Variants in UNC13C observed in about 807,000 individuals in gnomAD.
The protein encoded by UNC13C is protein unc-13 homolog C.
UNC13C carries 174 observed loss-of-function variants against 245.4 expected under a neutral mutation model. That is an observed-to-expected ratio of 0.71 (90% CI 0.63 to 0.80). The LOEUF (loss-of-function observed/expected upper bound fraction) is 0.80. Ranked by LOEUF, UNC13C falls within the 30% of genes least tolerant of loss-of-function variation. The probability of loss-of-function intolerance (pLI) is 0.00; values close to 1 mark genes in which losing one functional copy is unlikely to be tolerated. For missense variants in UNC13C, 2,829 were observed against 2,602.9 expected, an observed-to-expected ratio of 1.09 and a Z score of -1.89; for synonymous variants, 992 against 895.1, an observed-to-expected ratio of 1.11 and a Z score of -1.93.
chr15:54,165,673 C>T (rs1263886171), intron 4 of UNC13C, among the ~76,000 whole-genome samples: 1 of 152,054 alleles, frequency 6.6e-6, no homozygotes, highest in Non-Finnish European at 1.5e-5. Context: ...TAGGTTACTT[C>T]ATTTTTATTA....
chr15:54,257,326 C>T (rs775553334), intron 8 of UNC13C, among the ~76,000 whole-genome samples: 2 of 152,172 alleles, frequency 1.3e-5, no homozygotes, highest in Non-Finnish European at 2.9e-5. Context: ...GCTTTTGACT[C>T]TGTGATGACT....
At chr15:54,004,421 T>A (rs771202677) in intron 1 of UNC13C, among the ~76,000 whole-genome samples, 9 of 152,222 alleles carry the variant, frequency 5.9e-5, no homozygotes, top group Non-Finnish European at 8.8e-5. Context: ...TGATGGACAC[T>A]TAGGTTGCTT....
At chr15:54,493,180 G>A (rs1235160333) in intron 19 of UNC13C, among the ~76,000 whole-genome samples, 1 of 152,166 alleles carries the variant, frequency 6.6e-6, no homozygotes, top group Non-Finnish European at 1.5e-5. Flanking sequence ...AAAGAGCACA[G>A]GGATATTAGA....
intron 4 of UNC13C, among the ~76,000 whole-genome samples, chr15:54,196,975 T>C (rs1413444425): frequency 6.6e-6 from 1 of 152,110 alleles, no homozygotes; most frequent in African/African-American, 2.4e-5. Context: ...AGGAGCACCA[T>C]AAAGCACACC....
At chr15:54,470,591 T>C (rs1352709207) in intron 19 of UNC13C, among the ~76,000 whole-genome samples, 1 of 140,222 alleles carries the variant, frequency 7.1e-6, no homozygotes, top group African/African-American at 2.7e-5. Context: ...CTGTAATATC[T>C]CTTTTTTCAT....
intron 4 of UNC13C, among the ~76,000 whole-genome samples, chr15:54,196,550 T>C (rs189580245): frequency 6.6e-6 from 1 of 152,282 alleles, no homozygotes; most frequent in Non-Finnish European, 1.5e-5. Context: ...TTGCAGACCA[T>C]GTTCACTCAT....
intron 23 of UNC13C, 116 bp downstream of exon 23, chr15:54,507,310 T>C (rs1894517673): frequency 1.5e-6 from 1 of 672,666 alleles, no homozygotes; most frequent in Non-Finnish European, 2.5e-6. Flanking sequence ...TAATAAGAAA[T>C]AAGGATCTTA....
At chr15:54,431,276 G>C (rs1192938906) in intron 19 of UNC13C, among the ~76,000 whole-genome samples, 1 of 151,542 alleles carries the variant, frequency 6.6e-6, no homozygotes, top group Non-Finnish European at 1.5e-5. Context: ...CGCCATATTG[G>C]GGGATCATCT....
chr15:54,237,351 T>G (rs1376496425), intron 6 of UNC13C, among the ~76,000 whole-genome samples: 2 of 152,164 alleles, frequency 1.3e-5, no homozygotes, highest in Non-Finnish European at 2.9e-5. Flanking sequence ...CTGGTCATCT[T>G]AAGACTGGTC....
At chr15:54,162,445 T>C (rs550287770) in intron 4 of UNC13C, among the ~76,000 whole-genome samples, 4 of 152,278 alleles carry the variant, frequency 2.6e-5, no homozygotes, top group East Asian at 1.9e-4. Context: ...ATATGAAATA[T>C]TGTGGCCTCA....
chr15:54,081,895 T>C (rs1898963024), intron 2 of UNC13C, among the ~76,000 whole-genome samples: 1 of 152,224 alleles, frequency 6.6e-6, no homozygotes, highest in Non-Finnish European at 1.5e-5. Context: ...ACTTTGTACT[T>C]ACCTGTCCTT....
At chr15:54,223,578 T>G (rs113329287) in intron 4 of UNC13C, among the ~76,000 whole-genome samples, 1,618 of 151,860 alleles carry the variant, frequency 0.011, 26 homozygotes, top group African/African-American at 0.037. Context: ...TTTTTGTTTT[T>G]GTTTTTGTTT....
chr15:54,195,367 C>T (rs551922532), intron 4 of UNC13C, among the ~76,000 whole-genome samples: 1 of 152,164 alleles, frequency 6.6e-6, no homozygotes, highest in African/African-American at 2.4e-5. Flanking sequence ...CATTTTTGCA[C>T]TGTAGCTTTG....
intron 10 of UNC13C, among the ~76,000 whole-genome samples, chr15:54,291,723 TA>T (rs1232108665): frequency 2.0e-5 from 3 of 151,988 alleles, no homozygotes; most frequent in African/African-American, 7.2e-5. Flanking sequence ...GAAGTTAAGT[TA>T]GGTAGACATA....
Position 54,190,698 on chromosome 15 carries a change from T to G in UNC13C, c.3072-44332T>G, listed in dbSNP as rs955786294. On this transcript the variant is annotated intron_variant, in intron 4 of 32. Coordinates refer to ENST00000260323, the MANE Select transcript of UNC13C (RefSeq NM_001080534.3). ...TTATTACTAAATATACTGCAAAAAT[T>G]ATTATTTTTTATGTGTCCCATTTAG... Among the ~76,000 whole-genome samples, 14 of 152,164 alleles carry G rather than the reference T, an allele frequency of 9.2e-5. No homozygotes were observed. The East Asian group carries it at 2.5e-3, about 27-fold the overall frequency.
rs529074637 is a variant in UNC13C, at chr15:54,579,554, C to T, written c.6106+11607C>T. On this transcript the variant is annotated intron_variant, in intron 30 of 32. Coordinates refer to ENST00000260323, the MANE Select transcript of UNC13C (RefSeq NM_001080534.3). Reference sequence around the variant, plus strand: ...CAGGCAGATCACGAGGTCAGGAGATCGAGACCTTCCAGCTAACACAGTGAA... The same window carrying T: ...CAGGCAGATCACGAGGTCAGGAGATTGAGACCTTCCAGCTAACACAGTGAA... 2.0e-5 allele frequency among the ~76,000 whole-genome samples: 3 copies of T among 151,970 alleles called. No homozygotes were observed. The South Asian group carries it at 6.2e-4, about 32-fold the overall frequency.
At chr15:54,610,105 T>C (rs1327818291) in intron 30 of UNC13C, among the ~76,000 whole-genome samples, 2 of 152,160 alleles carry the variant, frequency 1.3e-5, no homozygotes, top group African/African-American at 4.8e-5. Context: ...CAGTGCATAT[T>C]GTAGTTTTTT....
chr15:54,491,600 T>G (rs1264797097), intron 19 of UNC13C, among the ~76,000 whole-genome samples: 1 of 152,216 alleles, frequency 6.6e-6, no homozygotes, highest in East Asian at 1.9e-4. Flanking sequence ...GTTCTTATAA[T>G]AAAAATTTTC....
At chr15:53,973,302 GC>G (rs1893595179), upstream of UNC13C, among the ~76,000 whole-genome samples, 1 of 152,030 alleles carries the variant, frequency 6.6e-6, no homozygotes, top group South Asian at 2.1e-4. Context: ...ATTGATTATT[GC>G]TAGCTAATAT....
Sources: gnomAD v4.1 joint callset for allele counts (sites outside exome capture counted in the v4.1 genomes callset) on GRCh38, gnomAD v4.1.1 for gene constraint, MANE v1.5 for transcripts, NCBI Gene and HGNC (gene_info 2026-07-23, HGNC 2026-07-21) for gene names.